Variants in CELSR1 observed in about 807,000 individuals in gnomAD.
CELSR1 encodes the protein adhesion G protein-coupled receptor C1.
In CELSR1, 110 loss-of-function variants were observed where a neutral mutation model predicts 249.1. The ratio of observed to expected loss-of-function variants is 0.44; its 90% confidence interval spans 0.38 to 0.52. CELSR1 has a LOEUF of 0.52. Among genes scored for constraint, CELSR1 ranks in the 20% least tolerant of loss-of-function variants. The pLI, the probability that CELSR1 is intolerant of heterozygous loss-of-function variation, is 0.00. For missense variants in CELSR1, 4,109 were observed against 4,296.4 expected (o/e 0.96, Z 1.22); for synonymous variants, 2,113 against 1,900.0 (o/e 1.11, Z -2.92).
Position 46,537,042 on chromosome 22 carries a change from G to A in CELSR1, c.129C>T (p.Ala43=), listed in dbSNP as rs1412967691. ...PRVPGGTRAF[A]LRPGCTYAVG... The stretch of plus-strand genomic sequence containing the variant: ...CCGCGTAGGTACAGCCGGGCCGGAG[G>A]GCGAAGGCGCGGGTCCCGCCGGGTA... Residue 43 remains alanine (A), a synonymous_variant, in exon 1 of 35, where the codon GCC becomes GCT. Coordinates refer to ENST00000674500, the MANE Select transcript of CELSR1 (RefSeq NM_001378328.1). The surrounding 1 kb of genome is among the most constrained non-coding windows in gnomAD (Gnocchi z 5.8). 26 of 1,094,540 alleles carry A rather than the reference G, an allele frequency of 2.4e-5. 1 individual carries two copies. The highest frequency in any genetic ancestry group is 8.1e-4 in the Middle Eastern group (2 of 2,468). 67.8% of individuals were successfully genotyped at this position (1,094,540 alleles called of 1,614,324 possible).
intron 5 of CELSR1, among the ~76,000 whole-genome samples, chr22:46,425,015 A>AC (rs2147396007): frequency 6.6e-6 from 1 of 152,352 alleles, no homozygotes; most frequent in East Asian, 1.9e-4. Context: ...AAACGGAATC[A>AC]CATAGTATGG....
chr22:46,474,186 G>C (rs1229532023), intron 1 of CELSR1, among the ~76,000 whole-genome samples: 1 of 152,182 alleles, frequency 6.6e-6, no homozygotes, highest in Non-Finnish European at 1.5e-5. Context: ...CTCTGCCCGG[G>C]GGCAGGGCTG....
chr22:46,417,659 G>A lies in CELSR1; in HGVS notation c.4612-5900C>T, dbSNP rs1159417751. On this transcript the variant is annotated intron_variant, in intron 5 of 34. Transcript: ENST00000674500. The surrounding 1 kb of genome is among the most constrained non-coding windows in gnomAD (Gnocchi z 4.1). The stretch of plus-strand genomic sequence containing the variant: ...CCAACTCTGGCTGAGGGGGACAGGT[G>A]CTCCTGAATCCCTCACCTGCCAGGG... Among the ~76,000 whole-genome samples, 1 of 152,202 alleles carries A rather than the reference G, an allele frequency of 6.6e-6. No homozygotes were observed. The highest frequency in any genetic ancestry group is 1.5e-5 in the Non-Finnish European group (1 of 68,020).
chr22:46,365,414 C>G, intron 31 of CELSR1, 34 bp from the exon 32 acceptor site: 1 of 1,607,968 alleles, frequency 6.2e-7, no homozygotes, highest in Non-Finnish European at 8.5e-7. Flanking sequence ...AGGCTCAGGC[C>G]CTGGGAGGTG....
intron 24 of CELSR1, among the ~76,000 whole-genome samples, chr22:46,373,590 G>A (rs1208105304): frequency 6.7e-6 from 1 of 150,318 alleles, no homozygotes; most frequent in Non-Finnish European, 1.5e-5. Flanking sequence ...GCCGCCAGCT[G>A]GGAGAGGATG....
chr22:46,469,364 G>A (rs2080130188), intron 1 of CELSR1, among the ~76,000 whole-genome samples: 1 of 152,126 alleles, frequency 6.6e-6, no homozygotes, highest in Non-Finnish European at 1.5e-5. Flanking sequence ...CTCCTGGCTG[G>A]AGCACTGCCC....
intron 27 of CELSR1, 123 bp from the exon 28 acceptor site, chr22:46,367,978 G>A (rs2078806677): frequency 2.2e-6 from 3 of 1,335,976 alleles, no homozygotes. Flanking sequence ...CCGTCCACCT[G>A]TCCACCCAGC....
At chr22:46,511,339 C>A (rs992417364) in intron 1 of CELSR1, among the ~76,000 whole-genome samples, 1 of 152,216 alleles carries the variant, frequency 6.6e-6, no homozygotes, top group Non-Finnish European at 1.5e-5. Flanking sequence ...CCAGTCTACA[C>A]AGCTGGCTGC....
Position 46,535,262 on chromosome 22 carries a change from C to A in CELSR1, c.1909G>T (p.Gly637Cys). The change falls in exon 1 of 35, where the codon GGT becomes TGT. Residue 637 changes from glycine (G) to cysteine (C), a missense_variant. Transcript: ENST00000674500. ...AGCTCGGCACACACTGTGATCCAAC[C>A]GGAGCTGTTGTGGATCTGGAAGGGG... ...DFPFQIHNSS[G>C]WITVCAELDR... 6.2e-7 allele frequency: 1 copy of A among 1,610,326 alleles called. No individual in the cohort carries two copies. The highest frequency in any genetic ancestry group is 8.5e-7 in the Non-Finnish European group (1 of 1,179,998).
At chr22:46,494,190 C>A (rs2080393266) in intron 1 of CELSR1, among the ~76,000 whole-genome samples, 1 of 152,134 alleles carries the variant, frequency 6.6e-6, no homozygotes, top group Non-Finnish European at 1.5e-5. Flanking sequence ...ATCTGGCTAT[C>A]CTTGGCCACT....
intron 1 of CELSR1, among the ~76,000 whole-genome samples, chr22:46,474,171 C>T (rs78522011): frequency 0.015 from 2,237 of 152,236 alleles, 21 homozygotes; most frequent in Non-Finnish European, 0.022. Flanking sequence ...AGGTAAAGGG[C>T]GCAGCTCTGC....
chr22:46,456,348 C>T (rs2147542593), intron 2 of CELSR1, among the ~76,000 whole-genome samples: 1 of 152,262 alleles, frequency 6.6e-6, no homozygotes, highest in African/African-American at 2.4e-5. Context: ...AGATGGAAAG[C>T]CCATGACTCT....
chr22:46,402,859 AT>A lies in CELSR1; in HGVS notation c.5227-2958del, dbSNP rs1308211357. ...TCATATTTAAAGATAACTTCAAAAAATAGCCTAGATTTTAGAAAAACAACTA... is the reference window on the plus strand; with the variant it reads ...TCATATTTAAAGATAACTTCAAAAAAAGCCTAGATTTTAGAAAAACAACTA... On this transcript the variant is annotated intron_variant, in intron 9 of 34. Coordinates refer to ENST00000674500, the MANE Select transcript of CELSR1 (RefSeq NM_001378328.1). This position sits in a 1 kb window ranked among gnomAD's most constrained non-coding sequence, Gnocchi z 5.0. Among the ~76,000 whole-genome samples, 21 of 152,244 alleles carry A rather than the reference AT, an allele frequency of 1.4e-4. No individual in the cohort carries two copies. Among genetic ancestry groups the A allele is most frequent in the African/African-American group, 5.1e-4 (21 of 41,472 alleles).
rs1264564112 is a variant in CELSR1 at position 46,363,473 on chromosome 22, A to G, written c.9036-226T>C. On this transcript the variant is annotated intron_variant, in intron 34 of 34. Coordinates refer to ENST00000674500, the MANE Select transcript of CELSR1 (RefSeq NM_001378328.1). This position sits in a 1 kb window ranked among gnomAD's most constrained non-coding sequence, Gnocchi z 4.3. The stretch of plus-strand genomic sequence containing the variant: ...CTCTGTGTTGCTGGTCTTTCAGAAG[A>G]GCGCAAGGAATCCACGTTAGAAACC... 2.2e-5 allele frequency: 11 copies of G among 500,164 alleles called. No individual in the cohort carries two copies. The highest frequency in any genetic ancestry group is 4.0e-5 in the Non-Finnish European group (11 of 276,478). The allele number at this position is 500,164 out of a possible 1,614,324, so 31.0% of individuals were successfully genotyped here. A position where few individuals can be genotyped will look rare whatever the true frequency, so the allele number is the denominator to read the frequency against.
rs1049531387 is a variant in CELSR1 at position 46,512,210 on chromosome 22, A to G, written c.3544+21417T>C. Among the ~76,000 whole-genome samples the G allele has an allele frequency of 2.6e-5, 4 of 152,304 alleles. No homozygotes were observed. Among genetic ancestry groups the G allele is most frequent in the Admixed American group, 1.3e-4 (2 of 15,296 alleles). ...CCCTCGAGGGCTCACAGCTAGGGGCAGGTGTCCCGGATTTGCAGAGGAGGA... is the reference window on the plus strand; with the variant it reads ...CCCTCGAGGGCTCACAGCTAGGGGCGGGTGTCCCGGATTTGCAGAGGAGGA... On this transcript the variant is annotated intron_variant, in intron 1 of 34. Transcript: ENST00000674500. The surrounding 1 kb of genome is among the most constrained non-coding windows in gnomAD (Gnocchi z 5.2).
chr22:46,407,746 C>A lies in CELSR1; in HGVS notation c.5226+1250G>T, dbSNP rs989794957. On this transcript the variant is annotated intron_variant, in intron 9 of 34. Transcript: ENST00000674500. This position sits in a 1 kb window ranked among gnomAD's most constrained non-coding sequence, Gnocchi z 4.8. ...CCTGCTCAGGCACGGCTCCCACAGG[C>A]CACTCCCGTGCCAGGGGATGAGAAT... is the stretch of plus-strand genomic sequence containing the variant. 7.2e-5 allele frequency among the ~76,000 whole-genome samples: 11 copies of A among 152,220 alleles called. No homozygotes were observed. Among genetic ancestry groups the A allele is most frequent in the Admixed American group, 4.6e-4 (7 of 15,290 alleles).
rs2147278544 is a variant in CELSR1 at position 46,397,914 on chromosome 22, C to G, written c.5527-66G>C. 13 of 1,312,892 alleles carry G rather than the reference C, an allele frequency of 9.9e-6. No individual in the cohort carries two copies. In the South Asian group the frequency reaches 2.2e-4, roughly 23 times the overall value. 81.3% of individuals were successfully genotyped at this position (1,312,892 alleles called of 1,614,324 possible). A position where few individuals can be genotyped will look rare whatever the true frequency, so the allele number is the denominator to read the frequency against. On this transcript the variant is annotated intron_variant, in intron 11 of 34. Coordinates refer to ENST00000674500, the MANE Select transcript of CELSR1 (RefSeq NM_001378328.1). ...AAGGTATGTAGGGGTTAAGGGAACCCTGAGACCTCTCTGGTCCCTTGCGAG... is the reference window on the plus strand; with the variant it reads ...AAGGTATGTAGGGGTTAAGGGAACCGTGAGACCTCTCTGGTCCCTTGCGAG...
At position 46,430,137 on chromosome 22, in the gene CELSR1, GCAGGTGGCC is replaced by G; in HGVS notation, c.4611+3247_4611+3255del. On this transcript the variant is annotated intron_variant, in intron 5 of 34. Transcript: ENST00000674500. This position sits in a 1 kb window ranked among gnomAD's most constrained non-coding sequence, Gnocchi z 4.6. ...GGGAGATCATGCTCAGATCTAAAAT[GCAGGTGGCC>G]CACACCTCAGAGACACAGCCACTCT... Among the ~76,000 whole-genome samples, 1 of 152,330 alleles carries G rather than the reference GCAGGTGGCC, an allele frequency of 6.6e-6. No homozygotes were observed. The highest frequency in any genetic ancestry group is 2.1e-4 in the South Asian group (1 of 4,828).
chr22:46,535,867 T>A lies in CELSR1; in HGVS notation c.1304A>T (p.Asn435Ile). ...GGCCGTGGCACTGAGCGGGCCCGGA[T>A]TGCGCCCCTGGTCGTTGGCCTCCAC... ...LLVEANDQGR[N>I]PGPLSATATV... Residue 435 changes from asparagine (N) to isoleucine (I), a missense_variant, in exon 1 of 35, where the codon AAT becomes ATT. By Grantham distance (149) the Asn-to-Ile change is moderately radical. This residue lies in a region of CELSR1 where 673 missense variants were observed against 636.8 expected (regional missense o/e 1.06). Transcript: ENST00000674500. 6.2e-7 allele frequency: 1 copy of A among 1,610,778 alleles called. No homozygotes were observed. The highest frequency in any genetic ancestry group is 8.5e-7 in the Non-Finnish European group (1 of 1,179,704).
Sources: gnomAD v4.1 joint callset for allele counts (sites outside exome capture counted in the v4.1 genomes callset) on GRCh38, gnomAD v4.1.1 for gene constraint, gnomAD v4.1.1 regional missense constraint, Gnocchi (gnomAD v3.1) non-coding constraint, MANE v1.5 for transcripts, NCBI Gene and HGNC (gene_info 2026-07-23, HGNC 2026-07-21) for gene names.